MAD1L1: variants seen among roughly 807,000 people sequenced by gnomAD.
MAD1L1 encodes the protein mitotic spindle assembly checkpoint protein MAD1.
MAD1L1 carries 95 observed loss-of-function variants against 96.9 expected under a neutral mutation model. The observed-to-expected ratio is 0.98, with a 90% CI of 0.83 to 1.16. The LOEUF is 1.16. Ranked by LOEUF, MAD1L1 falls within the 50% of genes most tolerant of loss-of-function variation. The pLI, the probability that MAD1L1 is intolerant of heterozygous loss-of-function variation, is 0.00. For missense variants in MAD1L1, 1,007 were observed against 954.4 expected (o/e 1.06, Z -0.73); for synonymous variants, 473 against 396.6 (o/e 1.19, Z -2.29).
chr7:1,853,803 C>G (rs1445972879), intron 18 of MAD1L1, among the ~76,000 whole-genome samples: 1 of 152,142 alleles, frequency 6.6e-6, no homozygotes, highest in African/African-American at 2.4e-5. Flanking sequence ...CCCTCCCAAC[C>G]TACGATTTCA....
At chr7:2,064,364 C>T (rs1344811643) in intron 12 of MAD1L1, among the ~76,000 whole-genome samples, 1 of 152,058 alleles carries the variant, frequency 6.6e-6, no homozygotes, top group African/African-American at 2.4e-5. Flanking sequence ...GCGCAGGGGT[C>T]CCTGAGCTAA....
intron 18 of MAD1L1, among the ~76,000 whole-genome samples, chr7:1,840,277 CA>C (rs1783177918): frequency 6.6e-6 from 1 of 152,228 alleles, no homozygotes; most frequent in African/African-American, 2.4e-5. Flanking sequence ...CCCAGCCAGA[CA>C]AACTCTAATT....
chr7:1,891,186 A>G (rs912630909), intron 18 of MAD1L1, among the ~76,000 whole-genome samples: 1 of 152,216 alleles, frequency 6.6e-6, no homozygotes, highest in Admixed American at 6.5e-5. Context: ...ACATTTTTCT[A>G]TAGCTGTAGG....
At chr7:2,165,219 A>G (rs1200016068) in intron 10 of MAD1L1, among the ~76,000 whole-genome samples, 1 of 151,962 alleles carries the variant, frequency 6.6e-6, no homozygotes, top group African/African-American at 2.4e-5. Context: ...AAAAAAGAAA[A>G]AGAAAAAAAA....
At chr7:2,153,545 C>T (rs1055932505) in intron 10 of MAD1L1, among the ~76,000 whole-genome samples, 3 of 152,156 alleles carry the variant, frequency 2.0e-5, no homozygotes, top group Admixed American at 2.0e-4. Context: ...AAAAAACACA[C>T]AGACAGATGC....
At chr7:1,923,317 C>A (rs1294569824) in intron 17 of MAD1L1, among the ~76,000 whole-genome samples, 1 of 152,162 alleles carries the variant, frequency 6.6e-6, no homozygotes, top group African/African-American at 2.4e-5. Flanking sequence ...GACTTGGGGA[C>A]CCCTAAAACC....
intron 18 of MAD1L1, among the ~76,000 whole-genome samples, chr7:1,883,185 C>G (rs193083947): frequency 6.6e-6 from 1 of 151,494 alleles, no homozygotes; most frequent in African/African-American, 2.4e-5. Flanking sequence ...GTGTCACAAA[C>G]GACTCCAGGA....
chr7:2,013,284 C>G (rs934396167), intron 13 of MAD1L1, among the ~76,000 whole-genome samples: 6 of 152,242 alleles, frequency 3.9e-5, no homozygotes, highest in Non-Finnish European at 7.3e-5. Flanking sequence ...TACAACAGGG[C>G]AACAGGCCAC....
chr7:1,879,551 A>AT (rs1785566665), intron 18 of MAD1L1, among the ~76,000 whole-genome samples: 1 of 152,170 alleles, frequency 6.6e-6, no homozygotes, highest in Non-Finnish European at 1.5e-5. Context: ...TTTTCTAGAA[A>AT]TTGACAGGCG....
intron 12 of MAD1L1, among the ~76,000 whole-genome samples, chr7:2,062,257 C>CAAA (rs56706072): frequency 5.8e-5 from 6 of 102,794 alleles, no homozygotes; most frequent in African/African-American, 2.4e-4. Context: ...ACAGCAACGA[C>CAAA]AAAAAAAAAA....
chr7:1,992,840 G>A (rs922625971), intron 14 of MAD1L1, among the ~76,000 whole-genome samples: 1 of 152,172 alleles, frequency 6.6e-6, no homozygotes, highest in African/African-American at 2.4e-5. Flanking sequence ...GCAGGGGCAG[G>A]GGCAGGGGCA....
intron 1 of MAD1L1, among the ~76,000 whole-genome samples, chr7:2,232,656 G>A (rs2115035632): frequency 6.6e-6 from 1 of 152,304 alleles, no homozygotes; most frequent in East Asian, 1.9e-4. Flanking sequence ...CAAAGGGGGA[G>A]TGGGGACAGG....
chr7:1,882,866 A>G (rs558390734), intron 18 of MAD1L1, among the ~76,000 whole-genome samples: 1 of 152,338 alleles, frequency 6.6e-6, no homozygotes, highest in South Asian at 2.1e-4. Flanking sequence ...GCTCCTTTAG[A>G]AATGTAGAGA....
At chr7:2,060,578 C>T (rs535088185) in intron 12 of MAD1L1, among the ~76,000 whole-genome samples, 2 of 152,174 alleles carry the variant, frequency 1.3e-5, no homozygotes, top group South Asian at 4.2e-4. Flanking sequence ...CAGGGAAACA[C>T]TGGAAGGAGG....
At chr7:2,081,630 C>A (rs1341808235) in intron 11 of MAD1L1, among the ~76,000 whole-genome samples, 1 of 152,254 alleles carries the variant, frequency 6.6e-6, no homozygotes, top group Admixed American at 6.5e-5. Flanking sequence ...CCAGCAGGCC[C>A]CAGGACTTCT....
At chr7:2,220,760 T>G in intron 5 of MAD1L1, 2 of 1,076,732 alleles carry the variant, frequency 1.9e-6, no homozygotes, top group Non-Finnish European at 2.6e-6. Context: ...CCACAATATG[T>G]ACGGTTTACT....
intron 11 of MAD1L1, among the ~76,000 whole-genome samples, chr7:2,118,888 G>A (rs547702049): frequency 6.6e-6 from 1 of 152,284 alleles, no homozygotes; most frequent in East Asian, 1.9e-4. Flanking sequence ...CCTGCTCTCA[G>A]AGGAGAAGCC....
At chr7:2,138,991 G>A (rs957522905) in intron 11 of MAD1L1, among the ~76,000 whole-genome samples, 1 of 152,132 alleles carries the variant, frequency 6.6e-6, no homozygotes, top group African/African-American at 2.4e-5. Context: ...CTCTCAGCTG[G>A]AGTCAACATG....
At chr7:2,144,850 ACCAGGCCAGGCTCCCCTACACTG>A (rs1379725879) in intron 11 of MAD1L1, among the ~76,000 whole-genome samples, 10 of 152,066 alleles carry the variant, frequency 6.6e-5, no homozygotes, top group African/African-American at 2.4e-4. Flanking sequence ...TTGAGCGTAA[ACCAGGCCAGGCTCCCCTACACTG>A]CCATGAAGCT....
Sources: allele counts gnomAD v4.1 joint callset (sites outside exome capture counted in the v4.1 genomes callset), GRCh38; gene constraint gnomAD v4.1.1; transcripts MANE v1.5; gene names NCBI Gene and HGNC (gene_info 2026-07-23, HGNC 2026-07-21).